Variants in CDHR1 observed in about 807,000 individuals in gnomAD.
CDHR1 encodes the protein cadherin related family member 1, also known as cadherin-related family member 1.
CDHR1 carries 61 observed loss-of-function variants against 72.1 expected under a neutral mutation model. The observed-to-expected ratio is 0.85, with a 90% confidence interval of 0.69 to 1.05. The LOEUF (loss-of-function observed/expected upper bound fraction) is 1.05. CDHR1 is among the 50% of genes least tolerant of loss of function. The pLI is 0.00. For missense variants in CDHR1, 1,186 were observed against 1,115.7 expected (o/e 1.06, Z -0.90); for synonymous variants, 470 against 448.1 (o/e 1.05, Z -0.62).
chr10:84,196,502 C>T lies in CDHR1; in HGVS notation c.152-3C>T. On this transcript the variant is annotated splice_polypyrimidine_tract_variant and splice_region_variant and intron_variant, in intron 2 of 16. Transcript: ENST00000623527. ...TATGTCTCTCCACTGTGTTTCCTTC[C>T]AGGCTCTCACGTATACACCCTGAAT... 4 of 1,614,194 alleles carry T rather than the reference C, an allele frequency of 2.5e-6. No individual in the cohort carries two copies. The highest frequency in any genetic ancestry group is 3.4e-6 in the Non-Finnish European group (4 of 1,180,022).
chr10:84,207,221 C>T (rs1842241931), intron 10 of CDHR1, among the ~76,000 whole-genome samples: 1 of 151,946 alleles, frequency 6.6e-6, no homozygotes, highest in Non-Finnish European at 1.5e-5. Context: ...ATTGGCCAAG[C>T]ACAGCTGCGG....
Position 84,196,584 on chromosome 10 carries a change from T to A in CDHR1, c.231T>A (p.Thr77=). Residue 77 remains threonine (T), a synonymous_variant, in exon 3 of 17, where the codon ACT becomes ACA. Coordinates refer to ENST00000623527, the MANE Select transcript of CDHR1 (RefSeq NM_033100.4). The stretch of plus-strand genomic sequence containing the variant: ...ACCACATCAGCTTTGACCCCAGCAC[T>A]AGAAGCGTCTTTTCTGTTGACCCCA... ...ISYHISFDPS[T]RSVFSVDPTF... The A allele has an allele frequency of 6.2e-7, 1 of 1,614,210 alleles. No individual in the cohort carries two copies. Among genetic ancestry groups the A allele is most frequent in the South Asian group, 1.1e-5 (1 of 91,082 alleles).
In CDHR1 at chr10:84,196,528, G is replaced by A; in HGVS notation, c.175G>A (p.Gly59Arg). 6.2e-7 allele frequency: 1 copy of A among 1,614,208 alleles called. No homozygotes were observed. Among genetic ancestry groups the A allele is most frequent in the Non-Finnish European group, 8.5e-7 (1 of 1,180,036 alleles). ...PVGSHVYTLN[G>R]TDPEGDPISY... ...AGGCTCTCACGTATACACCCTGAATGGGACAGACCCTGAGGGAGACCCCAT... is the reference window on the plus strand; with the variant it reads ...AGGCTCTCACGTATACACCCTGAATAGGACAGACCCTGAGGGAGACCCCAT... Residue 59 changes from glycine (G) to arginine (R), a missense_variant, in exon 3 of 17, where the codon GGG becomes AGG. By Grantham distance (125) the Gly-to-Arg change is moderately radical. Transcript: ENST00000623527.
chr10:84,214,080 A>C lies in CDHR1; in HGVS notation c.2041-2A>C, dbSNP rs763740152. 7 of 1,614,182 alleles carry C rather than the reference A, an allele frequency of 4.3e-6. No individual in the cohort carries two copies. The Admixed American group carries it at 1.2e-4, about 27-fold the overall frequency. Reference sequence around the variant, plus strand: ...AGTGCAGGGAGTGGCTTTCTCTTTCAGACCCTCTCCCGGAGCCCCATGGCT... The same window carrying C: ...AGTGCAGGGAGTGGCTTTCTCTTTCCGACCCTCTCCCGGAGCCCCATGGCT... On this transcript the variant is annotated splice_acceptor_variant, in intron 16 of 16. Transcript: ENST00000623527. LOFTEE classifies it high-confidence loss of function.
chr10:84,203,274 C>G (rs556185116), intron 8 of CDHR1, 151 bp downstream of exon 8: 2 of 999,780 alleles, frequency 2.0e-6, no homozygotes, highest in African/African-American at 3.2e-5. Context: ...CAGCCTCAGG[C>G]CATGAACTGG....
At chr10:84,219,141 A>G, downstream of CDHR1, 4 of 1,540,628 alleles carry the variant, frequency 2.6e-6, no homozygotes, top group South Asian at 1.2e-5. Flanking sequence ...CAGTAAGAAA[A>G]CCAAAATTTA....
intron 5 of CDHR1, among the ~76,000 whole-genome samples, chr10:84,199,822 T>C (rs11200918): frequency 0.2 from 29,880 of 152,154 alleles, 3,066 homozygotes; most frequent in Admixed American, 0.27. Flanking sequence ...CCTCCTGCAA[T>C]GGGAGGATTT....
At chr10:84,194,845 G>A (rs1369212690) in intron 1 of CDHR1, 30 bp downstream of exon 1, 20 of 1,531,748 alleles carry the variant, frequency 1.3e-5, no homozygotes, top group Non-Finnish European at 1.7e-5. Context: ...CGCTGGCCGC[G>A]TGGATGGCGA....
chr10:84,196,971 G>C (rs115240549), intron 3 of CDHR1, among the ~76,000 whole-genome samples: 1 of 152,196 alleles, frequency 6.6e-6, no homozygotes, highest in Non-Finnish European at 1.5e-5. Context: ...ACCTCACAAA[G>C]TGATTTTTCA....
intron 5 of CDHR1, among the ~76,000 whole-genome samples, chr10:84,199,851 C>A (rs1382006306): frequency 6.6e-6 from 1 of 152,200 alleles, no homozygotes; most frequent in African/African-American, 2.4e-5. Context: ...TGCCCCTTGA[C>A]AATACTGAAT....
intron 8 of CDHR1, among the ~76,000 whole-genome samples, chr10:84,203,555 C>T (rs904466901): frequency 6.6e-6 from 1 of 152,108 alleles, no homozygotes; most frequent in African/African-American, 2.4e-5. Context: ...GTTGGGACTA[C>T]AGGTGCACAC....
Position 84,208,889 on chromosome 10 carries a change from GTGCCCTGAATTCAC to G in CDHR1, c.1320+19_1320+32del. The G allele has an allele frequency of 6.2e-7, 1 of 1,613,174 alleles. No homozygotes were observed. The highest frequency in any genetic ancestry group is 8.5e-7 in the Non-Finnish European group (1 of 1,179,484). On this transcript the variant is annotated intron_variant, in intron 12 of 16. Coordinates refer to ENST00000623527, the MANE Select transcript of CDHR1 (RefSeq NM_033100.4). ...AAAGTATTAACCTTCAAGGTAGGTG[GTGCCCTGAATTCAC>G]TGCCCTGAATGGGAGGGTCCCAGGA... is the stretch of plus-strand genomic sequence containing the variant.
At chr10:84,202,879 C>A (rs1469274866) in intron 7 of CDHR1, 101 bp from the exon 8 acceptor site, 2 of 1,306,564 alleles carry the variant, frequency 1.5e-6, no homozygotes, top group Admixed American at 1.8e-5. Context: ...GGACAGCTGG[C>A]CTCACAGCCA....
chr10:84,204,105 G>A (rs1462472593), intron 8 of CDHR1, among the ~76,000 whole-genome samples: 1 of 152,200 alleles, frequency 6.6e-6, no homozygotes, highest in African/African-American at 2.4e-5. Flanking sequence ...CTGGGACCTC[G>A]CATTTGAGGC....
rs1842280283 is a variant in CDHR1 at position 84,208,891 on chromosome 10, GC to G, written c.1320+13del. On this transcript the variant is annotated intron_variant, in intron 12 of 16. Coordinates refer to ENST00000623527, the MANE Select transcript of CDHR1 (RefSeq NM_033100.4). The stretch of plus-strand genomic sequence containing the variant: ...AGTATTAACCTTCAAGGTAGGTGGT[GC>G]CCTGAATTCACTGCCCTGAATGGGA... 1 of 1,612,732 alleles carries G rather than the reference GC, an allele frequency of 6.2e-7. No homozygotes were observed. Among genetic ancestry groups the G allele is most frequent in the African/African-American group, 1.3e-5 (1 of 74,912 alleles).
chr10:84,195,647 A>C (rs1012246736), intron 2 of CDHR1, 58 bp downstream of exon 2: 16 of 1,456,036 alleles, frequency 1.1e-5, no homozygotes, highest in African/African-American at 1.4e-5. Context: ...AGGCAGACTT[A>C]GAACACAAAG....
At chr10:84,205,452 TC>T (rs1048268461) in intron 9 of CDHR1, among the ~76,000 whole-genome samples, 1 of 150,162 alleles carries the variant, frequency 6.7e-6, no homozygotes, top group Non-Finnish European at 1.5e-5. Flanking sequence ...GTCCCTTCTT[TC>T]CCCCCTCCCC....
chr10:84,205,514 T>TCACACACACACACACACA (rs33921515), intron 9 of CDHR1, among the ~76,000 whole-genome samples: 85 of 145,116 alleles, frequency 5.9e-4, no homozygotes, highest in Admixed American at 2.9e-3. Context: ...TCTCTTTTCT[T>TCACACACACACACACACA]CACACACACA....
At chr10:84,211,594 G>A (rs1842332214) in intron 13 of CDHR1, 54 bp from the exon 14 acceptor site, 1 of 1,517,466 alleles carries the variant, frequency 6.6e-7, no homozygotes, top group Non-Finnish European at 9.2e-7. Flanking sequence ...CATGGGAGCT[G>A]CCAACATACC....
Sources: allele counts gnomAD v4.1 joint callset (sites outside exome capture counted in the v4.1 genomes callset), GRCh38; gene constraint gnomAD v4.1.1; transcripts MANE v1.5; gene names NCBI Gene and HGNC (gene_info 2026-07-23, HGNC 2026-07-21).